NFATC3: variants seen among roughly 807,000 people sequenced by gnomAD.
The protein encoded by NFATC3 is nuclear factor of activated T-cells, cytoplasmic 3.
Under a neutral mutation model 98.6 loss-of-function variants are expected in NFATC3, and 46 were observed. That is an observed-to-expected ratio of 0.47 (90% confidence interval 0.37 to 0.60). The LOEUF (loss-of-function observed/expected upper bound fraction) is 0.60, where lower values mean the gene tolerates loss of function less well. NFATC3 is among the 20% of genes least tolerant of loss of function. The probability of loss-of-function intolerance (pLI) is 0.00; values close to 1 mark genes in which losing one functional copy is unlikely to be tolerated. For synonymous variants in NFATC3, 512 were observed against 472.2 expected (o/e 1.08, Z -1.09); for missense variants, 1,256 against 1,295.5 (o/e 0.97, Z 0.47).
intron 3 of NFATC3, among the ~76,000 whole-genome samples, chr16:68,134,648 G>C (rs1369857685): frequency 6.6e-6 from 1 of 152,000 alleles, no homozygotes; most frequent in Non-Finnish European, 1.5e-5. Flanking sequence ...CCCAAACTCA[G>C]GGCAAAAAAG....
At chr16:68,153,995 T>C (rs2038480037) in intron 3 of NFATC3, among the ~76,000 whole-genome samples, 1 of 152,074 alleles carries the variant, frequency 6.6e-6, no homozygotes, top group Non-Finnish European at 1.5e-5. Flanking sequence ...TAGCTCACTG[T>C]AACCTTGAAC....
intron 1 of NFATC3, among the ~76,000 whole-genome samples, chr16:68,120,879 G>T (rs1248766682): frequency 1.3e-5 from 2 of 152,188 alleles, no homozygotes; most frequent in Non-Finnish European, 2.9e-5. Flanking sequence ...AATCTGGAAT[G>T]TTCCAATATC....
At chr16:68,104,651 T>C (rs948895330) in intron 1 of NFATC3, among the ~76,000 whole-genome samples, 1 of 145,942 alleles carries the variant, frequency 6.9e-6, no homozygotes, top group Admixed American at 6.9e-5. Context: ...TTTTCACAAA[T>C]GGTTTTTTTT....
In NFATC3 at chr16:68,122,107, C is replaced by T. The variant is rs2230092; in HGVS notation, c.224C>T (p.Ser75Leu). ...HGLPSHSSVL[S>L]PSFQLQSHKN... ...TTACCGTCTCACTCTTCTGTTTTGT[C>T]ACCATCGTTTCAGCTCCAAAGTCAC... is the stretch of plus-strand genomic sequence containing the variant. Residue 75 changes from serine (S) to leucine (L), a missense_variant, in exon 2 of 10, where the codon TCA becomes TTA. This residue lies in a region of NFATC3 where 464 missense variants were observed against 465.7 expected (regional missense o/e 1.00). Coordinates refer to ENST00000346183, the MANE Select transcript of NFATC3 (RefSeq NM_173165.3). 1.1e-4 allele frequency: 185 copies of T among 1,614,106 alleles called. No individual in the cohort carries two copies. Among genetic ancestry groups the T allele is most frequent in the Non-Finnish European group, 1.4e-4 (168 of 1,180,022 alleles).
chr16:68,164,453 C>T (rs2039091543), intron 4 of NFATC3, among the ~76,000 whole-genome samples: 1 of 152,120 alleles, frequency 6.6e-6, no homozygotes, highest in Non-Finnish European at 1.5e-5. Flanking sequence ...TTTCTAAGAC[C>T]ATTACACTAA....
rs142945273 is a variant in NFATC3 at position 68,191,482 on chromosome 16, C to T, written c.2813C>T (p.Pro938Leu). Residue 938 changes from proline (P) to leucine (L), a missense_variant, in exon 9 of 10, where the codon CCG (proline) becomes CTG (leucine). Pro to Leu is a moderately conservative substitution (Grantham distance 98). This residue lies in a region of NFATC3 where 636 missense variants were observed against 617.3 expected (regional missense o/e 1.03). Transcript: ENST00000346183. ...GCTTCTCATCCCTTGGCTAGTTCAC[C>T]GCTTTCTGGGCCACCATCTCCTCAG... The part of the protein sequence containing the change: ...PAASHPLASS[P>L]LSGPPSPQLQ... 2.0e-5 allele frequency: 32 copies of T among 1,614,022 alleles called. No homozygotes were observed. The highest frequency in any genetic ancestry group is 5.3e-5 in the African/African-American group (4 of 74,924).
intron 1 of NFATC3, among the ~76,000 whole-genome samples, chr16:68,099,432 C>G (rs1461463219): frequency 1.3e-5 from 2 of 149,634 alleles, no homozygotes; most frequent in Non-Finnish European, 3.0e-5. Flanking sequence ...GAGACCCCAC[C>G]TCAAAAAAAA....
intron 9 of NFATC3, among the ~76,000 whole-genome samples, chr16:68,193,303 A>G (rs905376813): frequency 2.0e-5 from 3 of 152,102 alleles, no homozygotes; most frequent in Admixed American, 6.6e-5. Flanking sequence ...ATCATTTCTC[A>G]GTGTACTCAG....
chr16:68,213,987 C>T (rs1370725181), intron 9 of NFATC3, among the ~76,000 whole-genome samples: 1 of 152,038 alleles, frequency 6.6e-6, no homozygotes, highest in African/African-American at 2.4e-5. Context: ...TTGATGTAGC[C>T]TTAGCCAAGT....
intron 1 of NFATC3, among the ~76,000 whole-genome samples, chr16:68,108,760 G>A (rs2035796689): frequency 6.6e-6 from 1 of 152,094 alleles, no homozygotes; most frequent in South Asian, 2.1e-4. Context: ...TTGAGCAGTG[G>A]TTTGTAGTTC....
At chr16:68,166,133 G>A (rs530420840) in intron 4 of NFATC3, among the ~76,000 whole-genome samples, 12 of 152,298 alleles carry the variant, frequency 7.9e-5, no homozygotes, top group South Asian at 2.1e-4. Context: ...TTGTTCTGAC[G>A]TAGTTACATG....
chr16:68,085,681 G>T lies in NFATC3; in HGVS notation c.-1G>T. On this transcript the variant is annotated 5_prime_UTR_variant, in exon 1 of 10. Transcript: ENST00000346183. ...GAGCTGCAGCACCCTGGGCCACGCC[G>T]ATGACTACTGCAAACTGTGGCGCCC... The T allele has an allele frequency of 6.6e-7, 1 of 1,513,020 alleles. No individual in the cohort carries two copies. The allele number at this position is 1,513,020 out of a possible 1,614,324, so 93.7% of individuals were successfully genotyped here. A position where few individuals can be genotyped will look rare whatever the true frequency, so the allele number is the denominator to read the frequency against.
Position 68,114,576 on chromosome 16 carries a change from CT to C in NFATC3, c.104-7394del, listed in dbSNP as rs766989438. 8.4e-3 allele frequency among the ~76,000 whole-genome samples: 1,155 copies of C among 136,728 alleles called. 12 individuals are homozygous for C. The highest frequency in any genetic ancestry group is 0.025 in the African/African-American group (923 of 36,978). 89.7% of individuals were successfully genotyped at this position (136,728 alleles called of 152,430 possible). ...GCACATCAAGGGCCAAGGAAAAGCA[CT>C]TTTTTTTTTTTTTTTTGAGACGGAG... On this transcript the variant is annotated intron_variant, in intron 1 of 9. Transcript: ENST00000346183.
intron 9 of NFATC3, among the ~76,000 whole-genome samples, chr16:68,223,471 A>C (rs780306391): frequency 5.3e-5 from 8 of 152,252 alleles, no homozygotes; most frequent in Non-Finnish European, 8.8e-5. Flanking sequence ...GCCAAAAACC[A>C]CAATTACTTT....
chr16:68,120,375 T>C (rs1295287065), intron 1 of NFATC3, among the ~76,000 whole-genome samples: 1 of 151,394 alleles, frequency 6.6e-6, no homozygotes. Context: ...GTCAGGAGTT[T>C]GAGACCAGCC....
chr16:68,114,798 C>T (rs1205967876), intron 1 of NFATC3, among the ~76,000 whole-genome samples: 2 of 152,144 alleles, frequency 1.3e-5, no homozygotes, highest in African/African-American at 2.4e-5. Flanking sequence ...TAGTCTCGAA[C>T]TCCTGATCTC....
At chr16:68,127,294 A>G (rs2036887895) in intron 3 of NFATC3, among the ~76,000 whole-genome samples, 4 of 152,202 alleles carry the variant, frequency 2.6e-5, no homozygotes. Context: ...CCTCTCAGAA[A>G]TAAGCAGTGT....
At chr16:68,219,437 C>T (rs1236446841) in intron 9 of NFATC3, among the ~76,000 whole-genome samples, 1 of 151,976 alleles carries the variant, frequency 6.6e-6, no homozygotes. Context: ...TGGCACATGC[C>T]TGTAGTCCCA....
chr16:68,088,250 G>A (rs1235395380), intron 1 of NFATC3, among the ~76,000 whole-genome samples: 2 of 150,490 alleles, frequency 1.3e-5, no homozygotes, highest in East Asian at 1.9e-4. Flanking sequence ...CCTTGAGGTC[G>A]GGGATAGTGT....
Sources: gnomAD v4.1 joint callset for allele counts (sites outside exome capture counted in the v4.1 genomes callset) on GRCh38, gnomAD v4.1.1 for gene constraint, gnomAD v4.1.1 regional missense constraint, MANE v1.5 for transcripts, NCBI Gene and HGNC (gene_info 2026-07-23, HGNC 2026-07-21) for gene names.